Variants in KAZN observed in about 807,000 individuals in gnomAD.
KAZN encodes the protein kazrin, periplakin interacting protein.
In KAZN, 40 loss-of-function variants were observed where a neutral mutation model predicts 87.4. The observed-to-expected ratio is 0.46, with a 90% CI of 0.36 to 0.60. The LOEUF (loss-of-function observed/expected upper bound fraction) is 0.60, where lower values mean the gene tolerates loss of function less well. Among genes scored for constraint, KAZN ranks in the 20% least tolerant of loss-of-function variants. The probability of loss-of-function intolerance (pLI) is 0.00; values close to 1 mark genes in which losing one functional copy is unlikely to be tolerated. For synonymous variants in KAZN, 466 were observed against 458.3 expected, an observed-to-expected ratio of 1.02 and a Z score of -0.22; for missense variants, 898 against 1,073.9, an observed-to-expected ratio of 0.84 and a Z score of 2.29.
chr1:15,083,898 G>C (rs554874802), intron 8 of KAZN, among the ~76,000 whole-genome samples: 85 of 152,316 alleles, frequency 5.6e-4, no homozygotes, highest in African/African-American at 2.0e-3. Flanking sequence ...GCTCACATAG[G>C]TTCTTCTACA....
chr1:14,104,069 A>G (rs1644317756), intron 1 of KAZN, among the ~76,000 whole-genome samples: 1 of 152,204 alleles, frequency 6.6e-6, no homozygotes. Context: ...CTGCAACATT[A>G]TTGGCACCAT....
intron 1 of KAZN, among the ~76,000 whole-genome samples, chr1:14,048,050 A>C (rs113630253): frequency 9.9e-5 from 15 of 151,888 alleles, no homozygotes; most frequent in African/African-American, 3.6e-4. Flanking sequence ...TCTGGAGCCA[A>C]CTCTTCCACT....
chr1:13,982,109 C>G (rs966177663), intron 1 of KAZN, among the ~76,000 whole-genome samples: 1 of 152,304 alleles, frequency 6.6e-6, no homozygotes, highest in Non-Finnish European at 1.5e-5. Flanking sequence ...AGGTCCAGGG[C>G]CTAGAGGGAC....
chr1:14,958,974 G>A (rs367712617), intron 1 of KAZN, among the ~76,000 whole-genome samples: 4 of 152,236 alleles, frequency 2.6e-5, no homozygotes, highest in Non-Finnish European at 4.4e-5. Flanking sequence ...ATGAGGATGC[G>A]GCCATGGACA....
intron 2 of KAZN, among the ~76,000 whole-genome samples, chr1:15,027,339 CA>C (rs1671278644): frequency 6.6e-6 from 1 of 152,078 alleles, no homozygotes; most frequent in Non-Finnish European, 1.5e-5. Flanking sequence ...CTCGGCCTCC[CA>C]AAATGCTGGG....
intron 1 of KAZN, among the ~76,000 whole-genome samples, chr1:14,838,394 G>A (rs1234002687): frequency 6.6e-6 from 1 of 152,162 alleles, no homozygotes; most frequent in African/African-American, 2.4e-5. Context: ...TTTATGGCTA[G>A]GAGTGAAATT....
At chr1:14,940,852 C>G (rs1485726890) in intron 1 of KAZN, among the ~76,000 whole-genome samples, 1 of 146,202 alleles carries the variant, frequency 6.8e-6, no homozygotes, top group Non-Finnish European at 1.5e-5. Flanking sequence ...TAGCCTGGGC[C>G]TGGCCAGGCA....
intron 1 of KAZN, among the ~76,000 whole-genome samples, chr1:14,140,397 A>G (rs918560489): frequency 1.3e-5 from 2 of 152,120 alleles, no homozygotes; most frequent in African/African-American, 2.4e-5. Flanking sequence ...AATAATAATT[A>G]TAATAATTAT....
At chr1:15,106,844 G>A (rs907697141) in intron 13 of KAZN, among the ~76,000 whole-genome samples, 40 of 152,264 alleles carry the variant, frequency 2.6e-4, no homozygotes, top group African/African-American at 8.9e-4. Context: ...TTGGTCCGGC[G>A]CCAACAATGT....
intron 1 of KAZN, among the ~76,000 whole-genome samples, chr1:14,622,581 C>T (rs989270787): frequency 6.6e-6 from 1 of 151,320 alleles, no homozygotes; most frequent in Non-Finnish European, 1.5e-5. Context: ...TTCCCAGCTA[C>T]TCAGGAGGCT....
chr1:14,051,682 C>A (rs4662095), intron 1 of KAZN, among the ~76,000 whole-genome samples: 34,538 of 151,794 alleles, frequency 0.23, 4,429 homozygotes, highest in African/African-American at 0.32. Context: ...TCCACAAAAA[C>A]TACAAAAATT....
chr1:13,992,512 G>A (rs907340749), intron 1 of KAZN, among the ~76,000 whole-genome samples: 2 of 152,146 alleles, frequency 1.3e-5, no homozygotes, highest in African/African-American at 4.8e-5. Context: ...GTGGCTCGAA[G>A]GAGTACCTTC....
At chr1:14,284,640 A>G (rs1244566597) in intron 2 of KAZN, among the ~76,000 whole-genome samples, 2 of 152,172 alleles carry the variant, frequency 1.3e-5, no homozygotes, top group East Asian at 1.9e-4. Context: ...TTTATGAAAA[A>G]TTGGGCTTCA....
chr1:14,287,715 T>C (rs1419245062), intron 2 of KAZN, among the ~76,000 whole-genome samples: 2 of 152,232 alleles, frequency 1.3e-5, no homozygotes, highest in African/African-American at 4.8e-5. Context: ...TCCAACACTA[T>C]GTTGAATATG....
At chr1:13,940,647 C>G (rs1432929467) in intron 1 of KAZN, among the ~76,000 whole-genome samples, 2 of 151,960 alleles carry the variant, frequency 1.3e-5, no homozygotes, top group Non-Finnish European at 2.9e-5. Context: ...GAAATTAACT[C>G]AATATACAGG....
intron 1 of KAZN, among the ~76,000 whole-genome samples, chr1:14,833,994 CACACACACACACACAT>C (rs1424265404): frequency 4.0e-5 from 6 of 150,644 alleles, no homozygotes; most frequent in South Asian, 2.1e-4. Context: ...CACACACACA[CACACACACACACACAT>C]ACACACACAT....
intron 1 of KAZN, among the ~76,000 whole-genome samples, chr1:14,908,977 C>T (rs1011775189): frequency 2.6e-5 from 4 of 151,572 alleles, no homozygotes; most frequent in African/African-American, 9.7e-5. Flanking sequence ...GGCGAGACTC[C>T]ATCTCAAAAA....
chr1:14,239,625 T>A (rs1343242310), intron 2 of KAZN, among the ~76,000 whole-genome samples: 1 of 151,796 alleles, frequency 6.6e-6, no homozygotes, highest in Non-Finnish European at 1.5e-5. Context: ...CATGCCTGGC[T>A]AATTTTGTAT....
upstream of KAZN, among the ~76,000 whole-genome samples, chr1:14,595,430 C>A (rs1023226302): frequency 2.6e-5 from 4 of 151,824 alleles, no homozygotes; most frequent in African/African-American, 9.7e-5. Context: ...GCAATCCCAG[C>A]ACTTTGGGAG....
Sources: gnomAD v4.1 joint callset for allele counts (sites outside exome capture counted in the v4.1 genomes callset) on GRCh38, gnomAD v4.1.1 for gene constraint, MANE v1.5 for transcripts, NCBI Gene and HGNC (gene_info 2026-07-23, HGNC 2026-07-21) for gene names.